EXOC4: variants seen among roughly 807,000 people sequenced by gnomAD.
The protein encoded by EXOC4 is SEC8-like 1.
A neutral mutation model predicts 107.2 loss-of-function variants in EXOC4; 71 were observed. That is an observed-to-expected ratio of 0.66 (90% CI 0.55 to 0.81). The LOEUF (loss-of-function observed/expected upper bound fraction) is 0.81. Ranked by LOEUF, EXOC4 falls within the 30% of genes least tolerant of loss-of-function variation. The probability of loss-of-function intolerance (pLI) is 0.00; values close to 1 mark genes in which losing one functional copy is unlikely to be tolerated. For synonymous variants in EXOC4, 456 were observed against 441.2 expected (o/e 1.03, Z -0.42); for missense variants, 1,108 against 1,189.6 (o/e 0.93, Z 1.01).
intron 10 of EXOC4, among the ~76,000 whole-genome samples, chr7:133,806,424 T>C (rs2151201481): frequency 6.6e-6 from 1 of 152,282 alleles, no homozygotes; most frequent in South Asian, 2.1e-4. Context: ...TATCAAGTGA[T>C]TGGAAATGCA....
intron 11 of EXOC4, among the ~76,000 whole-genome samples, chr7:133,818,780 C>A (rs551961348): frequency 6.6e-6 from 1 of 152,284 alleles, no homozygotes; most frequent in African/African-American, 2.4e-5. Flanking sequence ...CTTTTCCTGA[C>A]TGTCCTACCT....
chr7:133,274,530 A>G (rs900996380), intron 1 of EXOC4, among the ~76,000 whole-genome samples: 1 of 152,212 alleles, frequency 6.6e-6, no homozygotes, highest in African/African-American at 2.4e-5. Context: ...AAGTGTCTTA[A>G]GTATCTTATC....
intron 10 of EXOC4, among the ~76,000 whole-genome samples, chr7:133,764,223 G>A (rs60849318): frequency 0.017 from 2,599 of 151,986 alleles, 72 homozygotes; most frequent in African/African-American, 0.059. Flanking sequence ...ATTTTCAAAC[G>A]TACAGAAGTG....
the EXOC4 span, among the ~76,000 whole-genome samples, chr7:134,090,146 C>T: frequency 1.3e-5 from 2 of 152,126 alleles, no homozygotes; most frequent in Admixed American, 6.5e-5. Context: ...TTAATCAAAG[C>T]TCTTTCATAT....
At chr7:133,734,307 C>T (rs1795393013) in intron 10 of EXOC4, among the ~76,000 whole-genome samples, 1 of 152,124 alleles carries the variant, frequency 6.6e-6, no homozygotes, top group South Asian at 2.1e-4. Context: ...TAAGCCTGTG[C>T]AGTCATTATC....
chr7:133,267,386 A>G (rs746668264), intron 1 of EXOC4, among the ~76,000 whole-genome samples: 2 of 152,074 alleles, frequency 1.3e-5, no homozygotes, highest in Admixed American at 1.3e-4. Flanking sequence ...TTGCCATTCC[A>G]TGTTCCTTGA....
chr7:134,075,666 T>TTATGG, the EXOC4 span, among the ~76,000 whole-genome samples: 313 of 152,212 alleles, frequency 2.1e-3, no homozygotes, highest in Middle Eastern at 0.01. Context: ...CAACTCAAGA[T>TTATGG]GAGATTTGGG....
At chr7:133,776,845 T>G (rs867334159) in intron 10 of EXOC4, among the ~76,000 whole-genome samples, 1 of 152,176 alleles carries the variant, frequency 6.6e-6, no homozygotes, top group African/African-American at 2.4e-5. Context: ...CATGAATTTG[T>G]TCCCTGCTTT....
At chr7:133,893,970 G>A (rs1212659913) in intron 11 of EXOC4, among the ~76,000 whole-genome samples, 1 of 93,832 alleles carries the variant, frequency 1.1e-5, no homozygotes, top group Non-Finnish European at 1.9e-5. Flanking sequence ...CTGAACGTTG[G>A]CCTGCCTTGC....
At chr7:133,296,594 A>T (rs1794524134) in intron 3 of EXOC4, among the ~76,000 whole-genome samples, 1 of 152,038 alleles carries the variant, frequency 6.6e-6, no homozygotes, top group South Asian at 2.1e-4. Context: ...GCTGTTTTTC[A>T]TGCTGCTCAA....
intron 17 of EXOC4, among the ~76,000 whole-genome samples, chr7:134,059,369 A>G (rs1314403236): frequency 6.6e-6 from 1 of 152,184 alleles, no homozygotes; most frequent in African/African-American, 2.4e-5. Flanking sequence ...AAAATTTATG[A>G]AAAGCTCTTA....
At chr7:133,270,597 G>T (rs1793844509) in intron 1 of EXOC4, among the ~76,000 whole-genome samples, 2 of 152,204 alleles carry the variant, frequency 1.3e-5, no homozygotes, top group Admixed American at 1.3e-4. Context: ...AGAAAAAGAT[G>T]AGACTAGGAT....
chr7:133,340,653 T>C (rs1795640473), intron 5 of EXOC4, among the ~76,000 whole-genome samples: 1 of 152,088 alleles, frequency 6.6e-6, no homozygotes, highest in Non-Finnish European at 1.5e-5. Context: ...ATCTGTCTAG[T>C]CCTGGACTTT....
At chr7:133,823,902 TATATATATAA>T (rs1439432804) in intron 11 of EXOC4, among the ~76,000 whole-genome samples, 20 of 28,718 alleles carry the variant, frequency 7.0e-4, no homozygotes, top group African/African-American at 2.1e-3. Flanking sequence ...ATTTTATATA[TATATATATAA>T]ATATATATAT....
intron 12 of EXOC4, among the ~76,000 whole-genome samples, chr7:133,900,627 A>T (rs1031288917): frequency 6.6e-5 from 10 of 152,110 alleles, no homozygotes; most frequent in African/African-American, 2.4e-4. Flanking sequence ...GGATTTGAAA[A>T]GCAAGAGTAT....
intron 9 of EXOC4, among the ~76,000 whole-genome samples, chr7:133,488,509 A>T (rs1584954690): frequency 6.6e-6 from 1 of 152,266 alleles, no homozygotes; most frequent in East Asian, 1.9e-4. Context: ...ATATTATATG[A>T]GGGAGAAATG....
At chr7:133,346,427 A>G (rs1443632735) in intron 5 of EXOC4, among the ~76,000 whole-genome samples, 1 of 152,142 alleles carries the variant, frequency 6.6e-6, no homozygotes, top group Non-Finnish European at 1.5e-5. Flanking sequence ...CTTGAGTCAG[A>G]TGATTTCTTT....
At chr7:133,924,695 T>C (rs1005956565) in intron 13 of EXOC4, among the ~76,000 whole-genome samples, 81 of 152,216 alleles carry the variant, frequency 5.3e-4, no homozygotes, top group African/African-American at 2.0e-3. Flanking sequence ...ATACAATTTT[T>C]CTAGTATCCC....
intron 10 of EXOC4, among the ~76,000 whole-genome samples, chr7:133,631,569 C>T (rs1326083813): frequency 6.6e-6 from 1 of 151,856 alleles, no homozygotes; most frequent in Admixed American, 6.6e-5. Flanking sequence ...AATTTTATTG[C>T]CTTTAAGAAG....
Sources: gnomAD v4.1 joint callset for allele counts (sites outside exome capture counted in the v4.1 genomes callset) on GRCh38, gnomAD v4.1.1 for gene constraint, MANE v1.5 for transcripts, NCBI Gene and HGNC (gene_info 2026-07-23, HGNC 2026-07-21) for gene names.